Variants in ASTN2 observed in about 807,000 individuals in gnomAD.
The protein encoded by ASTN2 is astrotactin-2.
Under a neutral mutation model 139.8 loss-of-function variants are expected in ASTN2, and 54 were observed. The ratio of observed to expected loss-of-function variants is 0.39; its 90% confidence interval spans 0.31 to 0.48. The LOEUF (loss-of-function observed/expected upper bound fraction) is 0.48. Ranked by LOEUF, ASTN2 falls within the 20% of genes least tolerant of loss-of-function variation. The pLI is 0.95. For missense variants in ASTN2, 1,565 were observed against 1,725.1 expected (o/e 0.91, Z 1.64); for synonymous variants, 756 against 719.5 (o/e 1.05, Z -0.81).
intron 10 of ASTN2, among the ~76,000 whole-genome samples, chr9:116,941,594 G>GA (rs780480219): frequency 0.16 from 12,918 of 80,530 alleles, 980 homozygotes; most frequent in African/African-American, 0.29. Context: ...TTAAGCTACA[G>GA]AAAAAAAAAA....
intron 22 of ASTN2, among the ~76,000 whole-genome samples, chr9:116,436,132 T>TAGC (rs1847642849): frequency 6.6e-6 from 1 of 152,210 alleles, no homozygotes; most frequent in South Asian, 2.1e-4. Flanking sequence ...GACACATAGT[T>TAGC]AGCACATTAA....
At chr9:116,747,982 T>C (rs751284122) in intron 13 of ASTN2, among the ~76,000 whole-genome samples, 1 of 152,138 alleles carries the variant, frequency 6.6e-6, no homozygotes, top group African/African-American at 2.4e-5. Context: ...GTATTAGCAC[T>C]GGGATCCCTT....
intron 10 of ASTN2, among the ~76,000 whole-genome samples, chr9:116,911,644 C>T (rs1465617209): frequency 6.6e-6 from 1 of 152,172 alleles, no homozygotes; most frequent in Non-Finnish European, 1.5e-5. Flanking sequence ...GTGGCTCACG[C>T]TTGTAATCCC....
In ASTN2 at chr9:116,725,943, A is replaced by T. The variant is rs1828609539; in HGVS notation, c.2634T>A (p.Thr878=). 1.9e-6 allele frequency: 3 copies of T among 1,612,380 alleles called. No homozygotes were observed. Among genetic ancestry groups the T allele is most frequent in the Non-Finnish European group, 2.5e-6 (3 of 1,179,456 alleles). The part of the protein sequence containing the change: ...LSTITLAAGF[T]NVLKILTKES... ...CCTTGGTCAGGATCTTGAGAACATT[A>T]GTGAAGCCTGGACAAGAGAGGAGCA... Residue 878 remains threonine (T), a synonymous_variant, in exon 16 of 23, where the codon ACT becomes ACA. Transcript: ENST00000313400.
chr9:117,411,384 A>G (rs1831155856), intron 1 of ASTN2, among the ~76,000 whole-genome samples: 1 of 145,858 alleles, frequency 6.9e-6, no homozygotes, highest in Non-Finnish European at 1.5e-5. Flanking sequence ...GGAAACTTCC[A>G]TTTACTTAAG....
chr9:116,628,812 T>G (rs1345824613), intron 17 of ASTN2, among the ~76,000 whole-genome samples: 2 of 152,182 alleles, frequency 1.3e-5, no homozygotes, highest in African/African-American at 4.8e-5. Context: ...TGGGGGAGGC[T>G]ATGTGTATAT....
intron 6 of ASTN2, among the ~76,000 whole-genome samples, chr9:117,027,703 C>T (rs957107083): frequency 2.6e-5 from 4 of 152,222 alleles, no homozygotes; most frequent in Non-Finnish European, 5.9e-5. Flanking sequence ...GCTTCCCTGA[C>T]AACCTGGCTG....
chr9:117,167,904 AATGTTTTATAGCC>A (rs1830705298), intron 3 of ASTN2, among the ~76,000 whole-genome samples: 1 of 152,158 alleles, frequency 6.6e-6, no homozygotes, highest in Non-Finnish European at 1.5e-5. Flanking sequence ...GCCTAAGAGC[AATGTTTTATAGCC>A]ATGGAGGTGA....
intron 2 of ASTN2, among the ~76,000 whole-genome samples, chr9:117,256,032 T>C (rs1025591914): frequency 1.3e-5 from 2 of 152,168 alleles, no homozygotes; most frequent in South Asian, 2.1e-4. Context: ...TAAAATCCTT[T>C]CACTTGGATC....
chr9:116,475,668 C>G (rs1483369959), intron 20 of ASTN2, among the ~76,000 whole-genome samples: 1 of 152,192 alleles, frequency 6.6e-6, no homozygotes, highest in African/African-American at 2.4e-5. Flanking sequence ...TCATGGTCAT[C>G]ATTTCAAGGG....
In ASTN2 at chr9:116,593,212, C is replaced by T. The variant is rs548835041; in HGVS notation, c.3355+25112G>A. Among the ~76,000 whole-genome samples the T allele has an allele frequency of 9.9e-4, 151 of 152,324 alleles. No individual in the cohort carries two copies. The Middle Eastern group carries it at 0.014, about 14-fold the overall frequency. On this transcript the variant is annotated intron_variant, in intron 19 of 22. Coordinates refer to ENST00000313400, the MANE Select transcript of ASTN2 (RefSeq NM_001365068.1). ...CCCCAGACAAGGCTGGGTGCGGTAA[C>T]ATCTGTGCTTTTGCAAGGGAAATAA... is the stretch of plus-strand genomic sequence containing the variant.
Position 116,603,835 on chromosome 9 carries a change from T to A in ASTN2, c.3355+14489A>T, listed in dbSNP as rs181748161. 2.6e-5 allele frequency among the ~76,000 whole-genome samples: 4 copies of A among 152,278 alleles called. No individual in the cohort carries two copies. The East Asian group carries it at 7.7e-4, about 29-fold the overall frequency. The stretch of plus-strand genomic sequence containing the variant: ...GGGAAGCTGCTACTAAGGACAAGAA[T>A]GGCAACAGATGGTGACAGGGAGGGA... On this transcript the variant is annotated intron_variant, in intron 19 of 22. Transcript: ENST00000313400.
intron 11 of ASTN2, among the ~76,000 whole-genome samples, chr9:116,851,500 A>ATCTG (rs1441409123): frequency 6.6e-6 from 1 of 151,808 alleles, no homozygotes. Context: ...CTATCTATCT[A>ATCTG]TCTATCTATC....
chr9:117,324,641 G>A (rs1828452602), intron 1 of ASTN2, among the ~76,000 whole-genome samples: 1 of 152,094 alleles, frequency 6.6e-6, no homozygotes, highest in South Asian at 2.1e-4. Context: ...TGGGGACACA[G>A]ACAAACCATA....
intron 2 of ASTN2, among the ~76,000 whole-genome samples, chr9:117,279,657 T>C (rs1343345059): frequency 6.6e-6 from 1 of 152,186 alleles, no homozygotes; most frequent in Non-Finnish European, 1.5e-5. Context: ...TCACAGGAAG[T>C]TGCAAATTTA....
intron 19 of ASTN2, among the ~76,000 whole-genome samples, chr9:116,532,824 C>A (rs983498890): frequency 1.3e-5 from 2 of 151,968 alleles, no homozygotes; most frequent in African/African-American, 4.8e-5. Context: ...CTTTTTGCTT[C>A]AGGTTGTCTT....
chr9:116,904,258 G>A (rs1216357499), intron 10 of ASTN2, among the ~76,000 whole-genome samples: 1 of 152,166 alleles, frequency 6.6e-6, no homozygotes, highest in Non-Finnish European at 1.5e-5. Flanking sequence ...GGACACAGGA[G>A]CATCAGGGGT....
At position 116,967,542 on chromosome 9, in the gene ASTN2, A is replaced by G. The variant is rs193101617; in HGVS notation, c.1889+7666T>C. Among the ~76,000 whole-genome samples the G allele has an allele frequency of 2.0e-5, 3 of 152,290 alleles. No individual in the cohort carries two copies. The East Asian group carries it at 5.8e-4, about 29-fold the overall frequency. ...AAGCCACCCTTCTATCAACATCCCT[A>G]CTGAAAAGGAAAGCACACTTCTAGG... On this transcript the variant is annotated intron_variant, in intron 10 of 22. Transcript: ENST00000313400.
intron 1 of ASTN2, among the ~76,000 whole-genome samples, chr9:117,396,048 A>T (rs191343364): frequency 6.5e-4 from 99 of 152,236 alleles, no homozygotes; most frequent in Non-Finnish European, 1.2e-3. Context: ...TGCCTCCCTA[A>T]GAAGGCCACC....
Sources: allele counts gnomAD v4.1 joint callset (sites outside exome capture counted in the v4.1 genomes callset), GRCh38; gene constraint gnomAD v4.1.1; transcripts MANE v1.5; gene names NCBI Gene and HGNC (gene_info 2026-07-23, HGNC 2026-07-21).